The following PRKN variants were observed in gnomAD, a reference collection of about 807,000 sequenced individuals.
The protein encoded by PRKN is E3 ubiquitin-protein ligase parkin.
PRKN carries 56 observed loss-of-function variants against 59.5 expected under a neutral mutation model. The observed-to-expected ratio is 0.94, with a 90% CI of 0.76 to 1.18. The LOEUF is 1.18. Ranked by LOEUF, PRKN falls within the 50% of genes most tolerant of loss-of-function variation. The pLI is 0.00. For missense variants in PRKN, 657 were observed against 596.4 expected (o/e 1.10, Z -1.06); for synonymous variants, 250 against 222.1 (o/e 1.13, Z -1.12).
intron 9 of PRKN, among the ~76,000 whole-genome samples, chr6:161,479,193 A>T (rs1261110876): frequency 6.6e-6 from 1 of 152,230 alleles, no homozygotes; most frequent in Non-Finnish European, 1.5e-5. Context: ...TACTTCGCAC[A>T]ATGATGACAT....
intron 1 of PRKN, among the ~76,000 whole-genome samples, chr6:162,522,688 G>T (rs1778124562): frequency 6.6e-6 from 1 of 151,900 alleles, no homozygotes; most frequent in Admixed American, 6.6e-5. Flanking sequence ...AACATCACTG[G>T]GTTTTTCTCC....
intron 7 of PRKN, among the ~76,000 whole-genome samples, 200 bp from the exon 8 acceptor site, chr6:161,569,616 G>A (rs1431990442): frequency 6.6e-6 from 1 of 152,120 alleles, no homozygotes. Context: ...GCCTCCAACC[G>A]CACCTCTTTA....
intron 6 of PRKN, among the ~76,000 whole-genome samples, chr6:161,886,447 A>T (rs943997535): frequency 6.6e-6 from 1 of 152,204 alleles, no homozygotes; most frequent in African/African-American, 2.4e-5. Flanking sequence ...CTGTAATCCC[A>T]GCACTATAGG....
At chr6:161,817,636 T>C (rs1363997551) in intron 6 of PRKN, among the ~76,000 whole-genome samples, 1 of 152,198 alleles carries the variant, frequency 6.6e-6, no homozygotes, top group African/African-American at 2.4e-5. Flanking sequence ...AGTTAACTTG[T>C]TAATAAAACT....
chr6:162,023,576 C>T (rs912760611), intron 5 of PRKN, among the ~76,000 whole-genome samples: 3 of 152,184 alleles, frequency 2.0e-5, no homozygotes, highest in South Asian at 2.1e-4. Flanking sequence ...CTCGCCCTCT[C>T]CACGACTAGC....
intron 8 of PRKN, among the ~76,000 whole-genome samples, chr6:161,553,814 C>G (rs981746845): frequency 2.6e-5 from 4 of 152,158 alleles, no homozygotes; most frequent in Admixed American, 2.6e-4. Context: ...ACTATCTCAT[C>G]TCTGGCCAAT....
chr6:162,213,854 CACACATAT>C (rs1298730915), intron 3 of PRKN, among the ~76,000 whole-genome samples: 2 of 102,882 alleles, frequency 1.9e-5, no homozygotes, highest in South Asian at 3.4e-4. Context: ...CACACACACA[CACACATAT>C]GAATAGTAAG....
Position 162,228,339 on chromosome 6 carries a change from T to A in PRKN, c.413-27087A>T, listed in dbSNP as rs2128084714. On this transcript the variant is annotated intron_variant, in intron 3 of 11. Transcript: ENST00000366898. ...GAAATCTGGAGCACTACATTTTAGATGCAAAGCATAAGTGGGTCCCCGATG... is the reference window on the plus strand; with the variant it reads ...GAAATCTGGAGCACTACATTTTAGAAGCAAAGCATAAGTGGGTCCCCGATG... Among the ~76,000 whole-genome samples, 2 of 152,274 alleles carry A rather than the reference T, an allele frequency of 1.3e-5. 1 individual carries two copies. The highest frequency in any genetic ancestry group is 4.1e-4 in the South Asian group (2 of 4,826).
intron 5 of PRKN, among the ~76,000 whole-genome samples, chr6:162,011,740 T>C (rs1351433496): frequency 6.6e-6 from 1 of 150,996 alleles, no homozygotes; most frequent in Non-Finnish European, 1.5e-5. Flanking sequence ...TTCTTCAGAT[T>C]AAATATATAT....
chr6:162,614,484 GC>G (rs1403383549), intron 1 of PRKN, among the ~76,000 whole-genome samples: 1 of 152,062 alleles, frequency 6.6e-6, no homozygotes, highest in African/African-American at 2.4e-5. Flanking sequence ...AATTTCAAAA[GC>G]TCTAGAACCC....
At chr6:162,727,580 C>T (rs1779337451) in intron 1 of PRKN, 82 bp downstream of exon 1, 8 of 1,434,674 alleles carry the variant, frequency 5.6e-6, no homozygotes, top group Non-Finnish European at 7.7e-6. Flanking sequence ...ACCGGGGGTC[C>T]TGGTCGGCCG....
chr6:162,042,432 C>G (rs1312046589), intron 5 of PRKN, among the ~76,000 whole-genome samples: 1 of 149,986 alleles, frequency 6.7e-6, no homozygotes. Context: ...GCTGAGATTA[C>G]AGGCATGTAC....
At chr6:161,787,327 C>G (rs1402019900) in intron 6 of PRKN, among the ~76,000 whole-genome samples, 2 of 152,182 alleles carry the variant, frequency 1.3e-5, no homozygotes, top group Non-Finnish European at 2.9e-5. Context: ...TCAACTTAAT[C>G]TGAGCAAGGG....
chr6:162,443,585 G>A (rs957932070), intron 1 of PRKN, 112 bp from the exon 2 acceptor site: 1 of 961,976 alleles, frequency 1.0e-6, no homozygotes, highest in Non-Finnish European at 1.7e-6. Context: ...TCAGTGAATG[G>A]TATATATTTT....
intron 2 of PRKN, among the ~76,000 whole-genome samples, chr6:162,405,748 G>T (rs921492138): frequency 6.6e-6 from 1 of 152,098 alleles, no homozygotes; most frequent in Non-Finnish European, 1.5e-5. Flanking sequence ...CTACGCGGGG[G>T]TGTAGTGAGA....
chr6:161,549,155 G>A lies in PRKN; in HGVS notation c.934-152C>T. 1.2e-6 allele frequency: 1 copy of A among 808,434 alleles called. No homozygotes were observed. Among genetic ancestry groups the A allele is most frequent in the Admixed American group, 2.1e-5 (1 of 48,534 alleles). The allele number at this position is 808,434 out of a possible 1,614,324, so 50.1% of individuals were successfully genotyped here. Reference sequence around the variant, plus strand: ...GTGTGTGTGTGTAGGGGGAGGGAGAGGGCCACGGGGTTGATAGGGGAGGAC... The same window carrying A: ...GTGTGTGTGTGTAGGGGGAGGGAGAAGGCCACGGGGTTGATAGGGGAGGAC... On this transcript the variant is annotated intron_variant, in intron 8 of 11. Transcript: ENST00000366898. The surrounding 1 kb of genome is among the most constrained non-coding windows in gnomAD (Gnocchi z 6.0).
At chr6:161,715,435 T>C (rs1786933558) in intron 7 of PRKN, among the ~76,000 whole-genome samples, 1 of 152,206 alleles carries the variant, frequency 6.6e-6, no homozygotes, top group Admixed American at 6.5e-5. Flanking sequence ...TTTGTTTATC[T>C]GTATGTTATT....
intron 4 of PRKN, among the ~76,000 whole-genome samples, chr6:162,184,226 A>G (rs190424262): frequency 7.3e-4 from 111 of 152,332 alleles, no homozygotes; most frequent in African/African-American, 2.5e-3. Context: ...TCAATAAGCA[A>G]AAATTACTGA....
chr6:162,478,056 A>G (rs968870676), intron 1 of PRKN, among the ~76,000 whole-genome samples: 1 of 152,100 alleles, frequency 6.6e-6, no homozygotes, highest in African/African-American at 2.4e-5. Flanking sequence ...CAGGGCGAAC[A>G]TGGTTATCCA....
Sources: gnomAD v4.1 joint callset for allele counts (sites outside exome capture counted in the v4.1 genomes callset) on GRCh38, gnomAD v4.1.1 for gene constraint, Gnocchi (gnomAD v3.1) non-coding constraint, MANE v1.5 for transcripts, NCBI Gene and HGNC (gene_info 2026-07-23, HGNC 2026-07-21) for gene names.